SCHIP1: variants seen among roughly 807,000 people sequenced by gnomAD.
SCHIP1 encodes the protein schwannomin-interacting protein 1.
A neutral mutation model predicts 29.7 loss-of-function variants in SCHIP1; 8 were observed. That is an observed-to-expected ratio of 0.27 (90% CI 0.16 to 0.49). The LOEUF is 0.49. Ranked by LOEUF, SCHIP1 falls within the 20% of genes least tolerant of loss-of-function variation. SCHIP1 has a pLI of 0.99. For missense variants in SCHIP1, 193 were observed against 294.6 expected, an observed-to-expected ratio of 0.66 and a Z score of 2.52; for synonymous variants, 76 against 94.9, an observed-to-expected ratio of 0.80 and a Z score of 1.16.
chr3:159,502,490 T>TTTA, the SCHIP1 span, among the ~76,000 whole-genome samples: 1 of 152,064 alleles, frequency 6.6e-6, no homozygotes, highest in South Asian at 2.1e-4. Flanking sequence ...TTTTAAAAAT[T>TTTA]TTATTATTAT....
the SCHIP1 span, among the ~76,000 whole-genome samples, chr3:159,644,179 C>T: frequency 6.6e-6 from 1 of 152,206 alleles, no homozygotes; most frequent in East Asian, 1.9e-4. Flanking sequence ...TTAAATAAGT[C>T]AGCAGCAATA....
chr3:159,478,322 T>C, the SCHIP1 span, among the ~76,000 whole-genome samples: 1 of 152,150 alleles, frequency 6.6e-6, no homozygotes, highest in African/African-American at 2.4e-5. Context: ...CCCAACACCA[T>C]TTGTTGAAAA....
At chr3:159,357,796 G>C in the SCHIP1 span, among the ~76,000 whole-genome samples, 4 of 152,186 alleles carry the variant, frequency 2.6e-5, no homozygotes, top group African/African-American at 7.2e-5. Flanking sequence ...CCGGATATCT[G>C]ATGAGAACAT....
the SCHIP1 span, among the ~76,000 whole-genome samples, chr3:159,799,769 TG>T: frequency 5.3e-5 from 8 of 152,200 alleles, no homozygotes; most frequent in African/African-American, 1.9e-4. Context: ...AGGGATGGGT[TG>T]GGGCCAGATT....
At chr3:159,424,073 T>C in the SCHIP1 span, among the ~76,000 whole-genome samples, 2 of 70,604 alleles carry the variant, frequency 2.8e-5, no homozygotes, top group Admixed American at 3.4e-4. Context: ...CAAAAGTAGA[T>C]AAAACCACAA....
the SCHIP1 span, among the ~76,000 whole-genome samples, chr3:159,333,944 A>T: frequency 6.6e-6 from 1 of 152,194 alleles, no homozygotes; most frequent in Non-Finnish European, 1.5e-5. Context: ...AGAATGAACG[A>T]TATCTCCCTG....
chr3:159,435,782 G>A, the SCHIP1 span, among the ~76,000 whole-genome samples: 1 of 152,156 alleles, frequency 6.6e-6, no homozygotes, highest in Non-Finnish European at 1.5e-5. Context: ...GGCCAAGTGT[G>A]TGATGCTCCT....
the SCHIP1 span, among the ~76,000 whole-genome samples, chr3:159,338,545 T>C: frequency 6.6e-5 from 10 of 152,038 alleles, no homozygotes; most frequent in Non-Finnish European, 7.4e-5. Context: ...CGGGAAACCA[T>C]TGGAAGGCCT....
the SCHIP1 span, among the ~76,000 whole-genome samples, chr3:159,826,395 A>T: frequency 6.6e-6 from 1 of 152,192 alleles, no homozygotes; most frequent in Admixed American, 6.5e-5. Flanking sequence ...ATTTGATTTT[A>T]AAAACCTCAA....
chr3:159,406,436 A>G, the SCHIP1 span, among the ~76,000 whole-genome samples: 2 of 152,238 alleles, frequency 1.3e-5, no homozygotes, highest in Non-Finnish European at 2.9e-5. Flanking sequence ...CAGACAAACA[A>G]AAGCTGAGGG....
upstream of SCHIP1, among the ~76,000 whole-genome samples, chr3:159,835,760 C>A (rs1434613558): frequency 1.3e-5 from 2 of 152,158 alleles, no homozygotes; most frequent in East Asian, 3.9e-4. Flanking sequence ...GTTTCCTATG[C>A]CCCTTCCGGG....
At chr3:159,397,640 AG>A in the SCHIP1 span, among the ~76,000 whole-genome samples, 2 of 152,106 alleles carry the variant, frequency 1.3e-5, no homozygotes, top group Non-Finnish European at 2.9e-5. Context: ...CTTGGGGGTC[AG>A]GGGTCAGGGA....
At chr3:159,412,245 T>C in the SCHIP1 span, among the ~76,000 whole-genome samples, 1 of 152,208 alleles carries the variant, frequency 6.6e-6, no homozygotes, top group African/African-American at 2.4e-5. Context: ...TATTCCATCA[T>C]TGTATTCCAT....
chr3:159,438,496 T>G, the SCHIP1 span, among the ~76,000 whole-genome samples: 1 of 152,140 alleles, frequency 6.6e-6, no homozygotes, highest in African/African-American at 2.4e-5. Context: ...ATCTGACTTT[T>G]AAGTTCAGGG....
At chr3:159,652,103 C>G in the SCHIP1 span, among the ~76,000 whole-genome samples, 1 of 137,682 alleles carries the variant, frequency 7.3e-6, no homozygotes, top group Non-Finnish European at 1.6e-5. Context: ...GACTCCATCT[C>G]AAAAAAAAAA....
chr3:159,641,191 G>T, the SCHIP1 span, among the ~76,000 whole-genome samples: 3 of 152,124 alleles, frequency 2.0e-5, no homozygotes, highest in Admixed American at 2.0e-4. Flanking sequence ...TGAAGTTCTT[G>T]TTTGGGTTTA....
chr3:159,524,211 G>A, the SCHIP1 span, among the ~76,000 whole-genome samples: 1 of 152,232 alleles, frequency 6.6e-6, no homozygotes, highest in Non-Finnish European at 1.5e-5. Context: ...GCATGTACTT[G>A]TCCATGCTCT....
At chr3:159,571,267 G>A in the SCHIP1 span, among the ~76,000 whole-genome samples, 2 of 152,096 alleles carry the variant, frequency 1.3e-5, no homozygotes, top group South Asian at 2.1e-4. Context: ...TTGGCTGTGG[G>A]TTTGTCACAA....
At chr3:159,453,402 A>G in the SCHIP1 span, among the ~76,000 whole-genome samples, 2 of 152,176 alleles carry the variant, frequency 1.3e-5, no homozygotes, top group Admixed American at 1.3e-4. Flanking sequence ...TGTCTGTGTT[A>G]AAAACCATCA....
Sources: allele counts gnomAD v4.1 joint callset (sites outside exome capture counted in the v4.1 genomes callset), GRCh38; gene constraint gnomAD v4.1.1; transcripts MANE v1.5; gene names NCBI Gene and HGNC (gene_info 2026-07-23, HGNC 2026-07-21).